TNS1: variants seen among roughly 807,000 people sequenced by gnomAD.
The protein encoded by TNS1 is tensin 1.
TNS1 carries 62 observed loss-of-function variants against 168.6 expected under a neutral mutation model. The observed-to-expected ratio is 0.37, with a 90% CI of 0.30 to 0.45. The LOEUF is 0.45. TNS1 is among the 20% of genes least tolerant of loss of function. TNS1 has a pLI of 1.00. For synonymous variants in TNS1, 934 were observed against 933.2 expected, an observed-to-expected ratio of 1.00 and a Z score of -0.02; for missense variants, 2,240 against 2,339.4, an observed-to-expected ratio of 0.96 and a Z score of 0.88.
rs1388013954 is a variant in TNS1, at chr2:218,032,831, G to A, written c.156+989C>T. Among the ~76,000 whole-genome samples the A allele has an allele frequency of 1.3e-5, 2 of 152,104 alleles. No individual in the cohort carries two copies. The highest frequency in any genetic ancestry group is 6.5e-5 in the Admixed American group (1 of 15,282). ...GGAGGGAGTCACAGGCGAGCTCCAGGCTCTCTCCAGAGGCCGCTTAGAAAC... is the reference window on the plus strand; with the variant it reads ...GGAGGGAGTCACAGGCGAGCTCCAGACTCTCTCCAGAGGCCGCTTAGAAAC... On this transcript the variant is annotated intron_variant, in intron 1 of 1. Transcript: ENST00000649572. The surrounding 1 kb of genome is among the most constrained non-coding windows in gnomAD (Gnocchi z 4.0).
At chr2:217,866,087 G>C (rs1369760721) in intron 18 of TNS1, among the ~76,000 whole-genome samples, 1 of 152,150 alleles carries the variant, frequency 6.6e-6, no homozygotes, top group Non-Finnish European at 1.5e-5. Context: ...CTGAATGTCA[G>C]ACCTCCATCC....
chr2:217,900,668 C>T (rs948967737), intron 6 of TNS1, 156 bp from the exon 7 acceptor site: 4 of 787,024 alleles, frequency 5.1e-6, no homozygotes, highest in Middle Eastern at 3.0e-4. Flanking sequence ...ACACAGCCTG[C>T]CCGAAGCCAA....
rs2125792954 is a variant in TNS1, at chr2:217,907,111, AC to A, written c.270+98del. ...CTACTCCGGAAGCATTTCCCCAACCACATCTGTCCACTCTCCCCCAAATCCA... is the reference window on the plus strand; with the variant it reads ...CTACTCCGGAAGCATTTCCCCAACCAATCTGTCCACTCTCCCCCAAATCCA... On this transcript the variant is annotated intron_variant, in intron 5 of 32. Transcript: ENST00000682258. The A allele has an allele frequency of 4.5e-6, 3 of 672,358 alleles. No homozygotes were observed. In the South Asian group the frequency reaches 4.7e-5, roughly 11 times the overall value. The allele number at this position is 672,358 out of a possible 1,614,324, so 41.6% of individuals were successfully genotyped here. A position where few individuals can be genotyped will look rare whatever the true frequency, so the allele number is the denominator to read the frequency against.
intron 29 of TNS1, 83 bp downstream of exon 29, chr2:217,810,165 C>A: frequency 1.3e-6 from 2 of 1,531,968 alleles, no homozygotes; most frequent in South Asian, 1.1e-5. Flanking sequence ...GAGAGACCTC[C>A]AGCCTGCACG....
rs535905159 is a variant in TNS1 at position 217,885,243 on chromosome 2, C to T, written c.1117-79G>A. The stretch of plus-strand genomic sequence containing the variant: ...TCCCAGGGAGCCTCCTTATCAGCTC[C>T]GCTGACTGAGCCCCCAAGGCTCACC... On this transcript the variant is annotated intron_variant, in intron 15 of 32. Transcript: ENST00000682258. 1.7e-5 allele frequency: 27 copies of T among 1,585,748 alleles called. No individual in the cohort carries two copies. In the East Asian group the frequency reaches 3.2e-4, roughly 19 times the overall value.
intron 3 of TNS1, among the ~76,000 whole-genome samples, chr2:217,942,927 C>A (rs1467236740): frequency 1.3e-5 from 2 of 152,182 alleles, no homozygotes; most frequent in Non-Finnish European, 2.9e-5. Flanking sequence ...TCTTCTAGAA[C>A]AGTAGCCAGC....
In TNS1 at chr2:217,998,004, C is replaced by T. The variant is rs116558491; in HGVS notation, c.33+4836G>A. Among the ~76,000 whole-genome samples, 391 of 152,286 alleles carry T rather than the reference C, an allele frequency of 2.6e-3. 1 individual carries two copies. The highest frequency in any genetic ancestry group is 8.9e-3 in the African/African-American group (369 of 41,570). ...GAACCAGCCCTCAGAAGAAAGAGAA[C>T]GTGGGGCTACACTTGTTACAAGCCA... On this transcript the variant is annotated intron_variant, in intron 1 of 32. Coordinates refer to ENST00000682258, the MANE Select transcript of TNS1 (RefSeq NM_001387777.1).
Position 217,986,326 on chromosome 2 carries a change from G to A in TNS1, c.148+4616C>T, listed in dbSNP as rs973736614. 2.0e-5 allele frequency among the ~76,000 whole-genome samples: 3 copies of A among 152,218 alleles called. No homozygotes were observed. The highest frequency in any genetic ancestry group is 4.4e-5 in the Non-Finnish European group (3 of 68,032). On this transcript the variant is annotated intron_variant, in intron 2 of 32. Transcript: ENST00000682258. The surrounding 1 kb of genome is among the most constrained non-coding windows in gnomAD (Gnocchi z 4.7). ...GCACAGGCTTGTCCTGTTAAAGGAC[G>A]GATCGTCTTTCCAGGTGCATCCTGC... is the stretch of plus-strand genomic sequence containing the variant.
At chr2:218,017,933 C>G (rs73080380) in intron 1 of TNS1, among the ~76,000 whole-genome samples, 2 of 152,316 alleles carry the variant, frequency 1.3e-5, no homozygotes, top group African/African-American at 4.8e-5. Context: ...ACAGTTCACA[C>G]CACTGTCCAG....
At chr2:217,901,076 TC>T (rs1952919338) in intron 6 of TNS1, among the ~76,000 whole-genome samples, 1 of 152,064 alleles carries the variant, frequency 6.6e-6, no homozygotes, top group African/African-American at 2.4e-5. Flanking sequence ...GAGGGCCCAC[TC>T]CCCACTGTCT....
intron 1 of TNS1, among the ~76,000 whole-genome samples, chr2:218,020,019 C>A (rs1958793980): frequency 6.6e-6 from 1 of 152,148 alleles, no homozygotes; most frequent in Non-Finnish European, 1.5e-5. Flanking sequence ...AGTGGATCCT[C>A]CGGGTGCAGT....
intron 18 of TNS1, among the ~76,000 whole-genome samples, chr2:217,869,405 T>G (rs1949571221): frequency 6.6e-6 from 1 of 152,180 alleles, no homozygotes; most frequent in South Asian, 2.1e-4. Context: ...TTTGGAATAG[T>G]CCAGAAAGAG....
rs575345521 is a variant in TNS1 at position 217,880,307 on chromosome 2, A to G, written c.1429+591T>C. Among the ~76,000 whole-genome samples, 57 of 152,340 alleles carry G rather than the reference A, an allele frequency of 3.7e-4. No homozygotes were observed. The highest frequency in any genetic ancestry group is 6.0e-4 in the Non-Finnish European group (41 of 68,024). On this transcript the variant is annotated intron_variant, in intron 18 of 32. Coordinates refer to ENST00000682258, the MANE Select transcript of TNS1 (RefSeq NM_001387777.1). This position sits in a 1 kb window ranked among gnomAD's most constrained non-coding sequence, Gnocchi z 4.2. ...CTAAATTAAACATGTATTAATTTCA[A>G]TTCTGCTGCTTTCTTTTCAAATTTC...
chr2:217,829,586 A>T (rs190133817), intron 22 of TNS1, among the ~76,000 whole-genome samples: 1 of 152,274 alleles, frequency 6.6e-6, no homozygotes, highest in East Asian at 1.9e-4. Context: ...TTTGGTCAAC[A>T]AGGTGACACT....
At chr2:217,892,763 C>G (rs1264021112) in intron 11 of TNS1, among the ~76,000 whole-genome samples, 185 bp downstream of exon 11, 1 of 152,172 alleles carries the variant, frequency 6.6e-6, no homozygotes, top group Non-Finnish European at 1.5e-5. Flanking sequence ...GGACTCTCCT[C>G]CCTCCCGCCC....
intron 3 of TNS1, among the ~76,000 whole-genome samples, chr2:217,945,283 C>A (rs1575126757): frequency 1.3e-5 from 2 of 152,200 alleles, no homozygotes; most frequent in South Asian, 4.1e-4. Flanking sequence ...TTAATTCAGC[C>A]AAACCCTTCC....
chr2:217,869,325 C>T (rs1949562445), intron 18 of TNS1, among the ~76,000 whole-genome samples: 1 of 152,172 alleles, frequency 6.6e-6, no homozygotes, highest in African/African-American at 2.4e-5. Flanking sequence ...CTCAACTTTG[C>T]CAAAGCAAAT....
intron 3 of TNS1, among the ~76,000 whole-genome samples, chr2:217,946,801 C>T (rs977494327): frequency 1.3e-5 from 2 of 152,004 alleles, no homozygotes; most frequent in African/African-American, 4.8e-5. Flanking sequence ...CCCAGCAAGT[C>T]CCTTGAAACC....
chr2:217,809,696 TG>T, intron 30 of TNS1, 126 bp downstream of exon 30: 1 of 989,124 alleles, frequency 1.0e-6, no homozygotes. Context: ...GCAAGATAGA[TG>T]GATGAGAAGG....
Sources: allele counts gnomAD v4.1 joint callset (sites outside exome capture counted in the v4.1 genomes callset), GRCh38; gene constraint gnomAD v4.1.1; non-coding constraint Gnocchi (gnomAD v3.1); transcripts MANE v1.5; gene names NCBI Gene and HGNC (gene_info 2026-07-23, HGNC 2026-07-21).